Variants in RBMS1 observed in about 807,000 individuals in gnomAD.
RBMS1 encodes the protein RNA binding motif single stranded interacting protein 1.
RBMS1 carries 17 observed loss-of-function variants against 62.3 expected under a neutral mutation model. The observed-to-expected ratio is 0.27, with a 90% CI of 0.19 to 0.41. RBMS1 has a LOEUF of 0.41. Ranked by LOEUF, RBMS1 falls within the 10% of genes least tolerant of loss-of-function variation. The pLI is 1.00. For missense variants in RBMS1, 334 were observed against 504.5 expected (o/e 0.66, Z 3.24); for synonymous variants, 172 against 170.0 (o/e 1.01, Z -0.09).
At chr2:160,332,353 C>G (rs1011583192) in intron 2 of RBMS1, among the ~76,000 whole-genome samples, 1 of 152,150 alleles carries the variant, frequency 6.6e-6, no homozygotes, top group African/African-American at 2.4e-5. Flanking sequence ...AAGTTATAAA[C>G]TGGGACAAAA....
At chr2:160,473,735 ACT>A (rs1685018597) in intron 1 of RBMS1, among the ~76,000 whole-genome samples, 2 of 151,428 alleles carry the variant, frequency 1.3e-5, no homozygotes, top group South Asian at 2.1e-4. Flanking sequence ...TGCTCTGAAA[ACT>A]CTTTTTCTCA....
At chr2:160,291,159 T>C (rs912166823) in intron 6 of RBMS1, among the ~76,000 whole-genome samples, 4 of 152,234 alleles carry the variant, frequency 2.6e-5, no homozygotes, top group Admixed American at 1.3e-4. Context: ...ACAGAACTGA[T>C]CTTTTCCTCA....
chr2:160,330,621 T>TG (rs1691214420), intron 2 of RBMS1, among the ~76,000 whole-genome samples: 1 of 151,928 alleles, frequency 6.6e-6, no homozygotes, highest in South Asian at 2.1e-4. Flanking sequence ...AAAATATGTT[T>TG]TTTTTTTTTG....
chr2:160,360,850 C>T (rs1693090351), intron 2 of RBMS1, among the ~76,000 whole-genome samples: 2 of 152,154 alleles, frequency 1.3e-5, no homozygotes, highest in Non-Finnish European at 2.9e-5. Flanking sequence ...ACCTGTCTTG[C>T]TTTACTGTTT....
intron 2 of RBMS1, among the ~76,000 whole-genome samples, chr2:160,330,090 C>T (rs1573872400): frequency 6.6e-6 from 1 of 152,070 alleles, no homozygotes; most frequent in African/African-American, 2.4e-5. Context: ...TAAACTTTTG[C>T]TATTTCTACT....
intron 1 of RBMS1, among the ~76,000 whole-genome samples, chr2:160,486,027 T>C (rs1273719415): frequency 6.6e-6 from 1 of 152,196 alleles, no homozygotes; most frequent in South Asian, 2.1e-4. Context: ...AATATCAATA[T>C]AATTTACTTT....
At chr2:160,389,071 A>C (rs746541052) in intron 1 of RBMS1, among the ~76,000 whole-genome samples, 5 of 152,218 alleles carry the variant, frequency 3.3e-5, no homozygotes, top group Non-Finnish European at 5.9e-5. Flanking sequence ...ACCTCATTTT[A>C]ATCAGAAAGG....
intron 1 of RBMS1, among the ~76,000 whole-genome samples, chr2:160,400,870 A>C (rs1040549021): frequency 2.6e-5 from 4 of 152,166 alleles, no homozygotes; most frequent in African/African-American, 9.7e-5. Flanking sequence ...ACCCCTCAAA[A>C]CTCAGGCATT....
rs570381340 is a variant in RBMS1, at chr2:160,399,148, T to C, written c.76-31757A>G. On this transcript the variant is annotated intron_variant, in intron 1 of 13. Coordinates refer to ENST00000348849, the MANE Select transcript of RBMS1 (RefSeq NM_016836.4). ...TTTTTACCTGAAATGTCGCCTTCCA[T>C]GATGCAACCAATTATCCTGTCTCCT... 3.3e-5 allele frequency among the ~76,000 whole-genome samples: 5 copies of C among 152,350 alleles called. No individual in the cohort carries two copies. The East Asian group carries it at 7.7e-4, about 23-fold the overall frequency.
chr2:160,287,786 C>G (rs1021090935), intron 6 of RBMS1, among the ~76,000 whole-genome samples: 1 of 152,058 alleles, frequency 6.6e-6, no homozygotes, highest in African/African-American at 2.4e-5. Flanking sequence ...GTGAAGATGG[C>G]TGTTGTGAGA....
At chr2:160,314,405 T>C (rs1043475278) in intron 3 of RBMS1, among the ~76,000 whole-genome samples, 1 of 152,164 alleles carries the variant, frequency 6.6e-6, no homozygotes, top group Non-Finnish European at 1.5e-5. Context: ...TGGAAGGTTG[T>C]TTAGAAGAGG....
At chr2:160,319,825 C>T (rs1690455186) in intron 2 of RBMS1, among the ~76,000 whole-genome samples, 1 of 152,160 alleles carries the variant, frequency 6.6e-6, no homozygotes, top group Non-Finnish European at 1.5e-5. Flanking sequence ...TGAGCCACTT[C>T]TCTCCTTCAG....
intron 2 of RBMS1, among the ~76,000 whole-genome samples, chr2:160,328,811 C>T (rs911495208): frequency 6.6e-6 from 1 of 152,146 alleles, no homozygotes; most frequent in Non-Finnish European, 1.5e-5. Flanking sequence ...AACTGGAAAT[C>T]TTACACACAC....
intron 1 of RBMS1, among the ~76,000 whole-genome samples, chr2:160,471,709 ATATATAT>A (rs1559593836): frequency 3.6e-4 from 40 of 112,108 alleles, no homozygotes; most frequent in African/African-American, 6.9e-4. Context: ...ATATATATAT[ATATATAT>A]AACCTTTCAT....
intron 1 of RBMS1, among the ~76,000 whole-genome samples, chr2:160,420,559 C>T (rs1559530524): frequency 6.6e-6 from 1 of 152,280 alleles, no homozygotes; most frequent in East Asian, 1.9e-4. Flanking sequence ...CATACGTACT[C>T]TATTGAAATG....
chr2:160,306,065 G>A lies in RBMS1; in HGVS notation c.403-2578C>T, dbSNP rs566379833. Among the ~76,000 whole-genome samples, 152 of 152,182 alleles carry A rather than the reference G, an allele frequency of 1.0e-3. 1 individual carries two copies. The highest frequency in any genetic ancestry group is 1.5e-3 in the Non-Finnish European group (102 of 68,008). ...GACTGCTTAAGCCCAGGAGTTCAAGGTTGTAATGAGTTGTGATCATGCTAC... is the reference window on the plus strand; with the variant it reads ...GACTGCTTAAGCCCAGGAGTTCAAGATTGTAATGAGTTGTGATCATGCTAC... On this transcript the variant is annotated intron_variant, in intron 4 of 13. Coordinates refer to ENST00000348849, the MANE Select transcript of RBMS1 (RefSeq NM_016836.4).
rs147435169 is a variant in RBMS1 at position 160,461,674 on chromosome 2, C to T, written c.75+31615G>A. Among the ~76,000 whole-genome samples the T allele has an allele frequency of 6.4e-3, 976 of 152,366 alleles. 3 individuals are homozygous for T. The highest frequency in any genetic ancestry group is 0.011 in the Non-Finnish European group (736 of 68,034). Reference sequence around the variant, plus strand: ...GCTCACACCCATCACTGCCACTCACCGCTGCCTTCCTCTTTGCGTTATAAC... The same window carrying T: ...GCTCACACCCATCACTGCCACTCACTGCTGCCTTCCTCTTTGCGTTATAAC... On this transcript the variant is annotated intron_variant, in intron 1 of 13. Coordinates refer to ENST00000348849, the MANE Select transcript of RBMS1 (RefSeq NM_016836.4).
At chr2:160,449,068 G>A (rs540577761) in intron 1 of RBMS1, among the ~76,000 whole-genome samples, 5 of 149,706 alleles carry the variant, frequency 3.3e-5, no homozygotes, top group East Asian at 4.0e-4. Flanking sequence ...CAGCTGCCCC[G>A]TCTGGGAAGT....
intron 1 of RBMS1, among the ~76,000 whole-genome samples, chr2:160,375,116 T>C (rs1693928510): frequency 6.6e-6 from 1 of 152,180 alleles, no homozygotes. Context: ...TCTAAAATTC[T>C]GGATAGTGCT....
Sources: gnomAD v4.1 joint callset for allele counts (sites outside exome capture counted in the v4.1 genomes callset) on GRCh38, gnomAD v4.1.1 for gene constraint, MANE v1.5 for transcripts, NCBI Gene and HGNC (gene_info 2026-07-23, HGNC 2026-07-21) for gene names.